SHANK2: variants seen among roughly 807,000 people sequenced by gnomAD.
The protein encoded by SHANK2 is SH3 and multiple ankyrin repeat domains 2.
A neutral mutation model predicts 133.7 loss-of-function variants in SHANK2; 43 were observed. The ratio of observed to expected loss-of-function variants is 0.32; its 90% CI spans 0.25 to 0.41. The LOEUF (loss-of-function observed/expected upper bound fraction) is 0.41, where lower values mean the gene tolerates loss of function less well. Among genes scored for constraint, SHANK2 ranks in the 10% least tolerant of loss-of-function variants. The pLI, the probability that SHANK2 is intolerant of heterozygous loss-of-function variation, is 1.00. For synonymous variants in SHANK2, 1,017 were observed against 952.8 expected (o/e 1.07, Z -1.24); for missense variants, 1,994 against 2,235.8 (o/e 0.89, Z 2.18).
At chr11:71,161,791 T>C (rs1278357693) in intron 2 of SHANK2, among the ~76,000 whole-genome samples, 3 of 152,238 alleles carry the variant, frequency 2.0e-5, no homozygotes, top group Admixed American at 1.3e-4. Context: ...CCCAACTACC[T>C]TGGGCACATG....
At chr11:70,951,052 T>C (rs1350045270) in intron 10 of SHANK2, 1 of 282,890 alleles carries the variant, frequency 3.5e-6, no homozygotes, top group African/African-American at 2.3e-5. Context: ...TTAACTGCAG[T>C]GATTAGCCCC....
chr11:70,803,561 G>A (rs955414887), intron 13 of SHANK2, among the ~76,000 whole-genome samples: 3 of 151,976 alleles, frequency 2.0e-5, no homozygotes, highest in Non-Finnish European at 4.4e-5. Flanking sequence ...TTCCCAGGCT[G>A]TGTCCTTGGA....
chr11:71,189,354 A>G (rs2135574256), intron 2 of SHANK2, among the ~76,000 whole-genome samples: 1 of 152,256 alleles, frequency 6.6e-6, no homozygotes, highest in East Asian at 1.9e-4. Flanking sequence ...ACCAAACCTC[A>G]GAGAGTTTCT....
chr11:70,694,811 T>A (rs1043433312), intron 15 of SHANK2, among the ~76,000 whole-genome samples: 1 of 152,152 alleles, frequency 6.6e-6, no homozygotes, highest in South Asian at 2.1e-4. Flanking sequence ...CCATGCTGCC[T>A]GCCCTCCTTC....
chr11:71,085,320 G>C (rs1444783649), intron 8 of SHANK2, among the ~76,000 whole-genome samples: 13 of 150,830 alleles, frequency 8.6e-5, no homozygotes, highest in African/African-American at 2.9e-4. Flanking sequence ...GCTGGGCGTG[G>C]TGGCACACGC....
At chr11:71,074,074 T>C (rs1951186519) in intron 9 of SHANK2, among the ~76,000 whole-genome samples, 1 of 151,804 alleles carries the variant, frequency 6.6e-6, no homozygotes, top group African/African-American at 2.4e-5. Context: ...GCTGTGGGAG[T>C]GGGATGCTCG....
intron 3 of SHANK2, among the ~76,000 whole-genome samples, chr11:71,146,290 C>T (rs1291320327): frequency 7.8e-6 from 1 of 128,808 alleles, no homozygotes. Flanking sequence ...TGGATTCAGG[C>T]AAAAGATGAA....
intron 17 of SHANK2, among the ~76,000 whole-genome samples, chr11:70,628,979 C>T (rs570766477): frequency 6.6e-6 from 1 of 152,212 alleles, no homozygotes; most frequent in East Asian, 1.9e-4. Context: ...TTGTTGTGAG[C>T]GGAAGAGAAA....
intron 17 of SHANK2, among the ~76,000 whole-genome samples, chr11:70,623,812 C>T (rs913511821): frequency 6.6e-6 from 1 of 152,280 alleles, no homozygotes; most frequent in Admixed American, 6.5e-5. Context: ...AAAGTTCTAC[C>T]AGACAGAGTT....
chr11:70,514,001 C>A (rs1354812218), intron 17 of SHANK2, among the ~76,000 whole-genome samples: 1 of 151,918 alleles, frequency 6.6e-6, no homozygotes, highest in African/African-American at 2.4e-5. Flanking sequence ...AGGTGAAGGA[C>A]ATAAATTTAT....
chr11:70,787,429 C>T (rs995843029), intron 14 of SHANK2, among the ~76,000 whole-genome samples: 2 of 150,858 alleles, frequency 1.3e-5, no homozygotes, highest in Non-Finnish European at 3.0e-5. Flanking sequence ...CCACCAGCAT[C>T]ACCACTGTCA....
At chr11:70,578,023 T>C (rs1184712999) in intron 17 of SHANK2, among the ~76,000 whole-genome samples, 1 of 152,120 alleles carries the variant, frequency 6.6e-6, no homozygotes, top group African/African-American at 2.4e-5. Context: ...TGATCTCCCA[T>C]TCCAGCCTCC....
intron 17 of SHANK2, among the ~76,000 whole-genome samples, chr11:70,637,646 A>T (rs2068069071): frequency 6.6e-6 from 1 of 152,194 alleles, no homozygotes; most frequent in Non-Finnish European, 1.5e-5. Context: ...GGCACAAAGG[A>T]TGCTAGGCAC....
At chr11:70,797,703 CCG>C (rs1428380334) in intron 14 of SHANK2, among the ~76,000 whole-genome samples, 1 of 152,190 alleles carries the variant, frequency 6.6e-6, no homozygotes, top group African/African-American at 2.4e-5. Flanking sequence ...TGGTTGGTGG[CCG>C]CAGCGTCCGT....
rs116989648 is a variant in SHANK2, at chr11:70,857,774, C to T, written c.1175-37092G>A. On this transcript the variant is annotated intron_variant, in intron 11 of 25. Coordinates refer to ENST00000601538, the MANE Select transcript of SHANK2 (RefSeq NM_012309.5). Reference sequence around the variant, plus strand: ...ACGGCAGCCTTAGCACATGACATCACGAAGACACAATGACCCTTGAAGGCC... The same window carrying T: ...ACGGCAGCCTTAGCACATGACATCATGAAGACACAATGACCCTTGAAGGCC... 1.4e-3 allele frequency among the ~76,000 whole-genome samples: 217 copies of T among 152,300 alleles called. 4 individuals carry two copies. The East Asian group carries it at 0.029, about 20-fold the overall frequency.
At chr11:71,062,105 G>A (rs995552470) in intron 9 of SHANK2, among the ~76,000 whole-genome samples, 5 of 148,866 alleles carry the variant, frequency 3.4e-5, no homozygotes, top group Admixed American at 6.8e-5. Context: ...ACAGGCGCAC[G>A]CCACCATGCC....
chr11:70,637,324 G>C (rs2061116171), intron 17 of SHANK2, among the ~76,000 whole-genome samples: 1 of 152,316 alleles, frequency 6.6e-6, no homozygotes, highest in South Asian at 2.1e-4. Flanking sequence ...CCAGGCTGGT[G>C]CTGAGTACGG....
chr11:70,701,333 T>A (rs1345168017), intron 14 of SHANK2, among the ~76,000 whole-genome samples: 1 of 152,202 alleles, frequency 6.6e-6, no homozygotes, highest in Non-Finnish European at 1.5e-5. Flanking sequence ...CACCAAGTTT[T>A]ACATTTGGCT....
At chr11:70,955,200 G>A (rs1236212012) in intron 10 of SHANK2, among the ~76,000 whole-genome samples, 1 of 152,144 alleles carries the variant, frequency 6.6e-6, no homozygotes, top group Non-Finnish European at 1.5e-5. Context: ...GCTTCTGGAT[G>A]TCTGGTTAAA....
Sources: gnomAD v4.1 joint callset for allele counts (sites outside exome capture counted in the v4.1 genomes callset) on GRCh38, gnomAD v4.1.1 for gene constraint, MANE v1.5 for transcripts, NCBI Gene and HGNC (gene_info 2026-07-23, HGNC 2026-07-21) for gene names.